Variants in DHX30 observed in about 807,000 individuals in gnomAD.
The protein encoded by DHX30 is ATP-dependent RNA helicase DHX30.
DHX30 carries 4 observed loss-of-function variants against 116.9 expected under a neutral mutation model. That is an observed-to-expected ratio of 0.03 (90% confidence interval 0.02 to 0.08). DHX30 has a LOEUF of 0.08. DHX30 is among the 10% of genes least tolerant of loss of function. The pLI is 1.00. For missense variants in DHX30, 871 were observed against 1,595.1 expected (o/e 0.55, Z 7.73); for synonymous variants, 697 against 651.7 (o/e 1.07, Z -1.06).
rs1404830750 is a variant in DHX30 at position 47,850,034 on chromosome 3, G to C, written c.3499G>C (p.Glu1167Gln). ...TGCACTTCCCCCCAGCGTACAGGAGGAGCACGGGCAGCTGCTTGCGCTACT... is the reference window on the plus strand; with the variant it reads ...TGCACTTCCCCCCAGCGTACAGGAGCAGCACGGGCAGCTGCTTGCGCTACT... ...LAALPPSVQEEHGQLLALLAE... is the reference protein window; with the variant it reads ...LAALPPSVQEQHGQLLALLAE... The change falls in exon 22 of 22, where the codon GAG becomes CAG. Residue 1167 changes from glutamate (E) to glutamine (Q), a missense_variant. This residue lies in a region of DHX30 where 52 missense variants were observed against 50.1 expected (regional missense o/e 1.04). Transcript: ENST00000445061. The C allele has an allele frequency of 6.2e-7, 1 of 1,607,338 alleles. No individual in the cohort carries two copies. Among genetic ancestry groups the C allele is most frequent in the Non-Finnish European group, 8.5e-7 (1 of 1,177,996 alleles).
At chr3:47,835,315 C>T (rs1472385127) in intron 6 of DHX30, among the ~76,000 whole-genome samples, 1 of 152,032 alleles carries the variant, frequency 6.6e-6, no homozygotes, top group Non-Finnish European at 1.5e-5. Context: ...GGATTACAGG[C>T]ATGTGCCACC....
At chr3:47,815,915 T>G (rs2036031692) in intron 3 of DHX30, 1 of 983,660 alleles carries the variant, frequency 1.0e-6, no homozygotes, top group Non-Finnish European at 1.2e-6. Flanking sequence ...AATGAGATAA[T>G]AACTAATCAT....
chr3:47,839,257 C>T (rs979278994), intron 6 of DHX30, among the ~76,000 whole-genome samples: 1 of 150,222 alleles, frequency 6.7e-6, no homozygotes, highest in African/African-American at 2.5e-5. Context: ...GAATGTATTC[C>T]TAACATAGGA....
At chr3:47,813,905 T>C (rs982735491) in intron 3 of DHX30, among the ~76,000 whole-genome samples, 1 of 150,654 alleles carries the variant, frequency 6.6e-6, no homozygotes, top group African/African-American at 2.4e-5. Context: ...TTTTTTTTTT[T>C]TTTTTTTGGC....
chr3:47,847,156 C>A lies in DHX30; in HGVS notation c.1930-117C>A. On this transcript the variant is annotated intron_variant, in intron 11 of 21. Transcript: ENST00000445061. This position sits in a 1 kb window ranked among gnomAD's most constrained non-coding sequence, Gnocchi z 5.5. Reference sequence around the variant, plus strand: ...GGGGACTAACCCTGCCTGCGTGGCACACGTGAGGATTGGAGTTGATGTCAA... The same window carrying A: ...GGGGACTAACCCTGCCTGCGTGGCAAACGTGAGGATTGGAGTTGATGTCAA... 1 of 1,487,032 alleles carries A rather than the reference C, an allele frequency of 6.7e-7. No homozygotes were observed. The highest frequency in any genetic ancestry group is 9.3e-7 in the Non-Finnish European group (1 of 1,073,050). 92.1% of individuals were successfully genotyped at this position (1,487,032 alleles called of 1,614,324 possible). A position where few individuals can be genotyped will look rare whatever the true frequency, so the allele number is the denominator to read the frequency against.
chr3:47,823,308 A>G (rs2036380421), intron 4 of DHX30, among the ~76,000 whole-genome samples: 1 of 150,816 alleles, frequency 6.6e-6, no homozygotes, highest in Admixed American at 6.6e-5. Flanking sequence ...CCAAACCGAG[A>G]CAAAGACCCC....
chr3:47,843,323 A>ATTT, intron 9 of DHX30, 68 bp downstream of exon 9: 3 of 1,589,530 alleles, frequency 1.9e-6, no homozygotes, highest in Non-Finnish European at 2.6e-6. Flanking sequence ...CCAGTGGCAA[A>ATTT]TGGGTCCCAT....
rs896365716 is a variant in DHX30, at chr3:47,848,805, A to G, written c.2757A>G (p.Ala919=). Residue 919 remains alanine, a synonymous_variant, in exon 17 of 22, where the codon GCA becomes GCG. Transcript: ENST00000445061. This position sits in a 1 kb window ranked among gnomAD's most constrained non-coding sequence, Gnocchi z 9.4. ...TCAGCAGCAGCCTACAGAACCGGGCAGAGGTGGACAAGGTCAGTCCTGGCT... is the reference window on the plus strand; with the variant it reads ...TCAGCAGCAGCCTACAGAACCGGGCGGAGGTGGACAAGGTCAGTCCTGGCT... ...DPFSSSLQNR[A]EVDKVKALLS... The G allele has an allele frequency of 1.9e-6, 3 of 1,611,706 alleles. No homozygotes were observed. Among genetic ancestry groups the G allele is most frequent in the African/African-American group, 2.7e-5 (2 of 74,870 alleles).
At chr3:47,823,638 A>G (rs539036692) in intron 4 of DHX30, among the ~76,000 whole-genome samples, 3 of 152,266 alleles carry the variant, frequency 2.0e-5, no homozygotes, top group Admixed American at 1.3e-4. Context: ...CTGGGATTAC[A>G]GGCATGAGCC....
intron 9 of DHX30, 95 bp downstream of exon 9, chr3:47,843,350 C>T: frequency 1.3e-6 from 2 of 1,525,552 alleles, no homozygotes; most frequent in Non-Finnish European, 1.8e-6. Context: ...GGAAATGAAA[C>T]CACCACAGCA....
intron 6 of DHX30, among the ~76,000 whole-genome samples, chr3:47,829,577 C>A (rs1366231779): frequency 2.6e-5 from 4 of 151,636 alleles, no homozygotes; most frequent in African/African-American, 9.7e-5. Context: ...CTCCTGACCT[C>A]AAGTGATCCA....
chr3:47,840,729 G>GC (rs1486050868), intron 6 of DHX30, 148 bp from the exon 7 acceptor site: 20 of 871,052 alleles, frequency 2.3e-5, no homozygotes, highest in Non-Finnish European at 3.5e-6. Flanking sequence ...AGAGTTCCAT[G>GC]CCCAGTTCTG....
chr3:47,809,769 T>G (rs2035709056), intron 2 of DHX30, among the ~76,000 whole-genome samples: 1 of 151,816 alleles, frequency 6.6e-6, no homozygotes, highest in South Asian at 2.1e-4. Context: ...GGAGCCGGAG[T>G]GTTGGCCCCA....
intron 6 of DHX30, among the ~76,000 whole-genome samples, chr3:47,839,286 T>TA (rs1162557998): frequency 6.7e-6 from 1 of 149,418 alleles, no homozygotes; most frequent in Non-Finnish European, 1.5e-5. Flanking sequence ...TTCTCTTTTT[T>TA]TTTTTTTTTT....
Position 47,847,174 on chromosome 3 carries a change from G to C in DHX30, c.1930-99G>C, listed in dbSNP as rs2037649302. The stretch of plus-strand genomic sequence containing the variant: ...CGTGGCACACGTGAGGATTGGAGTT[G>C]ATGTCAAGCGGCTCCGTCTCACTGA... On this transcript the variant is annotated intron_variant, in intron 11 of 21. Transcript: ENST00000445061. This position sits in a 1 kb window ranked among gnomAD's most constrained non-coding sequence, Gnocchi z 5.5. The C allele has an allele frequency of 1.1e-5, 17 of 1,524,574 alleles. No homozygotes were observed. Among genetic ancestry groups the C allele is most frequent in the Admixed American group, 6.7e-5 (4 of 59,284 alleles). The allele number at this position is 1,524,574 out of a possible 1,614,324, so 94.4% of individuals were successfully genotyped here.
intron 8 of DHX30, chr3:47,841,971 C>T: frequency 1.8e-6 from 1 of 557,342 alleles, no homozygotes; most frequent in Admixed American, 3.1e-5. Context: ...ACCCATACCT[C>T]TTCTGGGCGG....
intron 4 of DHX30, among the ~76,000 whole-genome samples, chr3:47,823,452 C>T (rs983872360): frequency 5.9e-5 from 9 of 151,724 alleles, no homozygotes; most frequent in Admixed American, 5.3e-4. Flanking sequence ...CAACCTCCGC[C>T]TCCCGGGTTC....
chr3:47,838,954 G>A lies in DHX30; in HGVS notation c.367-1923G>A, dbSNP rs1246764175. ...AGTGGTGTGATCATGGCTCACTGCAGCCTCGATCTGTAGGCCTCAAGTGAT... is the reference window on the plus strand; with the variant it reads ...AGTGGTGTGATCATGGCTCACTGCAACCTCGATCTGTAGGCCTCAAGTGAT... On this transcript the variant is annotated intron_variant, in intron 6 of 21. Coordinates refer to ENST00000445061, the MANE Select transcript of DHX30 (RefSeq NM_138615.3). 1.3e-5 allele frequency among the ~76,000 whole-genome samples: 2 copies of A among 151,832 alleles called. 1 individual carries two copies. Among genetic ancestry groups the A allele is most frequent in the African/African-American group, 4.8e-5 (2 of 41,336 alleles).
intron 9 of DHX30, among the ~76,000 whole-genome samples, chr3:47,844,714 A>G (rs1461932161): frequency 6.6e-6 from 1 of 152,236 alleles, no homozygotes; most frequent in Non-Finnish European, 1.5e-5. Context: ...GGTGACAGGA[A>G]CACAAGACTA....
Sources: gnomAD v4.1 joint callset for allele counts (sites outside exome capture counted in the v4.1 genomes callset) on GRCh38, gnomAD v4.1.1 for gene constraint, gnomAD v4.1.1 regional missense constraint, Gnocchi (gnomAD v3.1) non-coding constraint, MANE v1.5 for transcripts, NCBI Gene and HGNC (gene_info 2026-07-23, HGNC 2026-07-21) for gene names.